The following RBFOX1 variants were observed in gnomAD, a reference collection of about 807,000 sequenced individuals.
RBFOX1 encodes RNA binding protein fox-1 homolog 1.
In RBFOX1, 8 loss-of-function variants were observed where a neutral mutation model predicts 57.7. The ratio of observed to expected loss-of-function variants is 0.14; its 90% CI spans 0.08 to 0.25. The LOEUF is 0.25. Ranked by LOEUF, RBFOX1 falls within the 10% of genes least tolerant of loss-of-function variation. The probability of loss-of-function intolerance (pLI) is 1.00; values close to 1 mark genes in which losing one functional copy is unlikely to be tolerated. For synonymous variants in RBFOX1, 326 were observed against 222.4 expected, an observed-to-expected ratio of 1.47 and a Z score of -4.15; for missense variants, 611 against 548.5, an observed-to-expected ratio of 1.11 and a Z score of -1.14.
intron 4 of RBFOX1, among the ~76,000 whole-genome samples, chr16:7,084,863 C>T (rs1173854689): frequency 6.6e-6 from 1 of 152,080 alleles, no homozygotes; most frequent in South Asian, 2.1e-4. Flanking sequence ...TTCTGTCTAT[C>T]TATCTATCCA....
intron 3 of RBFOX1, among the ~76,000 whole-genome samples, chr16:6,824,642 T>G (rs937181012): frequency 3.3e-5 from 5 of 152,204 alleles, no homozygotes; most frequent in African/African-American, 1.2e-4. Context: ...AATCCATTCC[T>G]TATCAAAAGA....
intron 3 of RBFOX1, among the ~76,000 whole-genome samples, chr16:6,762,381 A>C (rs890706573): frequency 6.6e-6 from 1 of 152,162 alleles, no homozygotes; most frequent in African/African-American, 2.4e-5. Context: ...TAGTGCACTT[A>C]GAAGGTAAAT....
intron 10 of RBFOX1, among the ~76,000 whole-genome samples, chr16:7,619,749 T>G (rs1392910514): frequency 6.6e-6 from 1 of 152,168 alleles, no homozygotes; most frequent in African/African-American, 2.4e-5. Flanking sequence ...CTGTTTTCAG[T>G]TGAATGACAG....
intron 2 of RBFOX1, among the ~76,000 whole-genome samples, chr16:6,648,385 GT>G (rs36044770): frequency 0.22 from 33,765 of 151,846 alleles, 3,865 homozygotes; most frequent in African/African-American, 0.27. Context: ...ACTTGCTGGG[GT>G]TGCAGACTCC....
intron 2 of RBFOX1, among the ~76,000 whole-genome samples, chr16:6,498,877 C>T (rs1329942300): frequency 6.6e-6 from 1 of 152,162 alleles, no homozygotes; most frequent in Non-Finnish European, 1.5e-5. Flanking sequence ...TATCTGATCC[C>T]TCAACTAAAA....
At chr16:7,006,810 C>T (rs998519325) in intron 3 of RBFOX1, among the ~76,000 whole-genome samples, 1 of 152,146 alleles carries the variant, frequency 6.6e-6, no homozygotes, top group Non-Finnish European at 1.5e-5. Flanking sequence ...AGTTAAGTCA[C>T]CTGCCCAAGA....
intron 3 of RBFOX1, among the ~76,000 whole-genome samples, chr16:5,795,461 C>T (rs751670533): frequency 6.6e-5 from 10 of 152,036 alleles, no homozygotes; most frequent in Admixed American, 2.0e-4. Flanking sequence ...TACCACCGTG[C>T]GTGGCTAAAT....
At chr16:5,275,313 G>A (rs1256038759) in intron 1 of RBFOX1, among the ~76,000 whole-genome samples, 1 of 152,114 alleles carries the variant, frequency 6.6e-6, no homozygotes, top group Non-Finnish European at 1.5e-5. Flanking sequence ...ATATTTCAAA[G>A]CTTATTGCTA....
At chr16:5,798,366 T>A (rs2054947394) in intron 3 of RBFOX1, among the ~76,000 whole-genome samples, 2 of 152,164 alleles carry the variant, frequency 1.3e-5, no homozygotes, top group African/African-American at 4.8e-5. Context: ...CAAATATTAG[T>A]TAGGGTCAGA....
In RBFOX1 at chr16:7,644,101, T is replaced by G. The variant is rs535137347; in HGVS notation, c.758-9714T>G. 3.3e-5 allele frequency among the ~76,000 whole-genome samples: 5 copies of G among 152,264 alleles called. No homozygotes were observed. The South Asian group carries it at 1.0e-3, about 32-fold the overall frequency. ...GAGAGAGAGTAGAAGTAGAAAGCTT[T>G]TCCCGGAGCCTGACTGGGGTTGCCT... On this transcript the variant is annotated intron_variant, in intron 11 of 15. Transcript: ENST00000550418.
intron 2 of RBFOX1, among the ~76,000 whole-genome samples, chr16:6,416,062 C>T (rs2093616637): frequency 2.0e-5 from 3 of 152,170 alleles, no homozygotes; most frequent in Admixed American, 2.0e-4. Flanking sequence ...AATATTGGGC[C>T]ATTAGCAAGC....
At chr16:6,839,346 C>G (rs1227094092) in intron 3 of RBFOX1, among the ~76,000 whole-genome samples, 2 of 152,300 alleles carry the variant, frequency 1.3e-5, no homozygotes, top group South Asian at 2.1e-4. Context: ...ACTATTAACC[C>G]CACTGACTCC....
chr16:6,410,083 C>T (rs565943686), intron 2 of RBFOX1, among the ~76,000 whole-genome samples: 2 of 152,006 alleles, frequency 1.3e-5, no homozygotes, highest in Non-Finnish European at 2.9e-5. Context: ...AACCATCTCA[C>T]ATTCCTGGAG....
intron 4 of RBFOX1, among the ~76,000 whole-genome samples, chr16:7,164,645 C>T (rs1373803727): frequency 6.6e-6 from 1 of 152,216 alleles, no homozygotes; most frequent in Non-Finnish European, 1.5e-5. Context: ...TACACACACA[C>T]AAATACAAAC....
intron 2 of RBFOX1, among the ~76,000 whole-genome samples, chr16:5,578,941 G>A (rs2046565714): frequency 6.7e-6 from 1 of 150,176 alleles, no homozygotes; most frequent in Non-Finnish European, 1.5e-5. Context: ...TCTGCCTCCT[G>A]GGTTCTAGTG....
intron 1 of RBFOX1, among the ~76,000 whole-genome samples, chr16:5,332,495 C>T (rs573548621): frequency 1.3e-5 from 2 of 152,058 alleles, no homozygotes. Context: ...AACTTCTGGC[C>T]TCATGTGATC....
intron 2 of RBFOX1, among the ~76,000 whole-genome samples, chr16:6,442,862 TATG>T (rs1227375668): frequency 6.6e-6 from 1 of 152,182 alleles, no homozygotes; most frequent in Non-Finnish European, 1.5e-5. Context: ...AACCTTGGAA[TATG>T]ATATCAGTTT....
intron 3 of RBFOX1, among the ~76,000 whole-genome samples, chr16:6,830,453 C>T (rs1488243395): frequency 6.6e-6 from 1 of 152,036 alleles, no homozygotes; most frequent in East Asian, 1.9e-4. Flanking sequence ...AAGAGGAAGA[C>T]CTTAGAAAAA....
At chr16:7,575,973 G>A (rs563714672) in intron 5 of RBFOX1, among the ~76,000 whole-genome samples, 2 of 151,886 alleles carry the variant, frequency 1.3e-5, no homozygotes, top group South Asian at 2.1e-4. Context: ...TTGCTCCATT[G>A]CCCAGGCTGG....
Sources: allele counts gnomAD v4.1 joint callset (sites outside exome capture counted in the v4.1 genomes callset), GRCh38; gene constraint gnomAD v4.1.1; transcripts MANE v1.5; gene names NCBI Gene and HGNC (gene_info 2026-07-23, HGNC 2026-07-21).